Variants in HOOK2 observed in about 807,000 individuals in gnomAD.
HOOK2 encodes the protein protein Hook homolog 2.
HOOK2 carries 108 observed loss-of-function variants against 111.9 expected under a neutral mutation model. The ratio of observed to expected loss-of-function variants is 0.96; its 90% confidence interval spans 0.83 to 1.13. HOOK2 has a LOEUF of 1.13. HOOK2 is among the 50% of genes most tolerant of loss of function. The probability of loss-of-function intolerance (pLI) is 0.00; values close to 1 mark genes in which losing one functional copy is unlikely to be tolerated. For synonymous variants in HOOK2, 405 were observed against 394.3 expected (o/e 1.03, Z -0.32); for missense variants, 978 against 951.3 (o/e 1.03, Z -0.37).
At chr19:12,789,031 C>CT (rs1968681150) in intron 3 of HOOK2, among the ~76,000 whole-genome samples, 1 of 152,188 alleles carries the variant, frequency 6.6e-6, no homozygotes. Context: ...TTTTTCGCCT[C>CT]TTTCGTTTTC....
upstream of HOOK2, among the ~76,000 whole-genome samples, chr19:12,777,073 C>T (rs1968536663): frequency 6.6e-6 from 1 of 151,900 alleles, no homozygotes; most frequent in Admixed American, 6.6e-5. Context: ...AGGAGAATAG[C>T]TTGAACCCAA....
rs150435267 is a variant in HOOK2, at chr19:12,788,116, C to T, written n.42-13891G>A. 1.2e-3 allele frequency among the ~76,000 whole-genome samples: 179 copies of T among 152,284 alleles called. 1 individual carries two copies. Among genetic ancestry groups the T allele is most frequent in the African/African-American group, 4.3e-3 (177 of 41,544 alleles). ...AAAAAAGAGGCCCTTCATGAGACGGCCTGCAGCTGGTACTGCATACATGCT... is the reference window on the plus strand; with the variant it reads ...AAAAAAGAGGCCCTTCATGAGACGGTCTGCAGCTGGTACTGCATACATGCT... On this transcript the variant is annotated intron_variant and non_coding_transcript_variant, in intron 3 of 3. Transcript: ENST00000589765.
chr19:12,779,592 G>C (rs1968576546), upstream of HOOK2, among the ~76,000 whole-genome samples: 1 of 152,182 alleles, frequency 6.6e-6, no homozygotes. Flanking sequence ...CTGACTTCAA[G>C]TAATCCTCCT....
chr19:12,769,944 T>G lies in HOOK2; in HGVS notation c.1041A>C (p.Gln347His). 6.4e-7 allele frequency: 1 copy of G among 1,558,394 alleles called. No individual in the cohort carries two copies. The highest frequency in any genetic ancestry group is 8.6e-7 in the Non-Finnish European group (1 of 1,159,504). Residue 347 changes from glutamine to histidine, a missense_variant, in exon 11 of 23, where the codon CAA becomes CAC. Gln to His is a conservative substitution (Grantham distance 24). This residue lies in a region of HOOK2 where 388 missense variants were observed against 358.3 expected (regional missense o/e 1.08). Transcript: ENST00000397668. ...RNAGHAERTR[Q>H]LEDELRRAGS... ...CCGCTCGGCGTAGCTCATCCTCCAG[T>G]TGTCGCGTGCGCTCGGCGTGGCCGG...
chr19:12,788,136 C>G (rs2145800935), intron 3 of HOOK2, among the ~76,000 whole-genome samples: 1 of 152,318 alleles, frequency 6.6e-6, no homozygotes, highest in South Asian at 2.1e-4. Flanking sequence ...GTACTGCATA[C>G]ATGCTTCTCT....
At chr19:12,765,752 G>A (rs1167767629) in intron 17 of HOOK2, 28 bp from the exon 18 acceptor site, 3 of 1,614,070 alleles carry the variant, frequency 1.9e-6, no homozygotes, top group Non-Finnish European at 2.5e-6. Flanking sequence ...CAAGGTGAGT[G>A]GGGGATCCAG....
intron 3 of HOOK2, 187 bp from the exon 4 acceptor site, chr19:12,773,231 C>CTTTGTTTTT (rs1968389951): frequency 4.4e-6 from 1 of 226,718 alleles, no homozygotes. Flanking sequence ...ATCTTTGTTT[C>CTTTGTTTTT]TTTTTTTTTT....
upstream of HOOK2, among the ~76,000 whole-genome samples, chr19:12,778,913 A>G (rs1968568505): frequency 6.6e-6 from 1 of 152,008 alleles, no homozygotes; most frequent in Non-Finnish European, 1.5e-5. Context: ...GTCGGCGGGG[A>G]AGACAGCAGC....
At chr19:12,773,147 A>C (rs183986130) in intron 3 of HOOK2, 103 bp from the exon 4 acceptor site, 9 of 1,157,166 alleles carry the variant, frequency 7.8e-6, no homozygotes, top group Admixed American at 3.5e-5. Flanking sequence ...TGCTCATCTC[A>C]TCCTATTCTG....
In HOOK2 at chr19:12,791,993, G is replaced by T. The variant is rs774983836; in HGVS notation, n.42-17768C>A. ...GCAGCTACTTTTCTGGTCAGGGCTC[G>T]GACACCGGCGCGTCTCTCAAGCTCG... is the stretch of plus-strand genomic sequence containing the variant. On this transcript the variant is annotated intron_variant and non_coding_transcript_variant, in intron 3 of 3. Transcript: ENST00000589765. This position sits in a 1 kb window ranked among gnomAD's most constrained non-coding sequence, Gnocchi z 7.0. 3.7e-6 allele frequency: 6 copies of T among 1,611,480 alleles called. No individual in the cohort carries two copies. Among genetic ancestry groups the T allele is most frequent in the Non-Finnish European group, 5.1e-6 (6 of 1,179,388 alleles).
At chr19:12,778,721 G>A (rs1486921092), upstream of HOOK2, among the ~76,000 whole-genome samples, 1 of 152,198 alleles carries the variant, frequency 6.6e-6, no homozygotes, top group Non-Finnish European at 1.5e-5. Flanking sequence ...CAAATATTTA[G>A]GCAAATTGAC....
At chr19:12,765,148 G>T in intron 18 of HOOK2, 67 bp from the exon 19 acceptor site, 1 of 1,495,270 alleles carries the variant, frequency 6.7e-7, no homozygotes. Flanking sequence ...CCCAGTGGTA[G>T]CCACAGACCT....
intron 3 of HOOK2, among the ~76,000 whole-genome samples, chr19:12,789,193 CAA>C (rs958625019): frequency 1.8e-4 from 27 of 146,226 alleles, no homozygotes; most frequent in African/African-American, 2.8e-4. Flanking sequence ...GAGAGAGAGA[CAA>C]AGAGAGAGAG....
intron 5 of HOOK2, 25 bp downstream of exon 5, chr19:12,772,755 T>G (rs1568370954): frequency 1.2e-6 from 2 of 1,613,554 alleles, no homozygotes. Context: ...AGGCCAGCCC[T>G]GGGGACCCCC....
At chr19:12,780,801 AC>A (rs922212836), upstream of HOOK2, among the ~76,000 whole-genome samples, 2 of 124,370 alleles carry the variant, frequency 1.6e-5, no homozygotes, top group African/African-American at 6.2e-5. Flanking sequence ...ACACAGTGAA[AC>A]CCCGTCTCTA....
intron 11 of HOOK2, among the ~76,000 whole-genome samples, chr19:12,769,539 C>T (rs1968252066): frequency 6.6e-6 from 1 of 152,156 alleles, no homozygotes; most frequent in Non-Finnish European, 1.5e-5. Context: ...CCTCCCGGCT[C>T]AGCCTCCCAA....
At chr19:12,763,973 T>G (rs1000217245) in intron 20 of HOOK2, among the ~76,000 whole-genome samples, 195 bp from the exon 21 acceptor site, 1 of 152,192 alleles carries the variant, frequency 6.6e-6, no homozygotes, top group African/African-American at 2.4e-5. Flanking sequence ...GTTACAAGCA[T>G]GAGCCATTGT....
At chr19:12,785,872 TG>T (rs1184790256) in intron 3 of HOOK2, among the ~76,000 whole-genome samples, 1 of 152,140 alleles carries the variant, frequency 6.6e-6, no homozygotes, top group Admixed American at 6.5e-5. Flanking sequence ...TCTTTGCTTT[TG>T]CCACTTCCCC....
Position 12,790,313 on chromosome 19 carries a change from TC to T in HOOK2, n.42-16089del, listed in dbSNP as rs1968698698. Reference sequence around the variant, plus strand: ...GTGACGGAGACAGGGCCGGGCTCCTTCCCCCGGGGCTGTTGCCACACTTCCT... The same window carrying T: ...GTGACGGAGACAGGGCCGGGCTCCTTCCCCGGGGCTGTTGCCACACTTCCT... On this transcript the variant is annotated intron_variant and non_coding_transcript_variant, in intron 3 of 3. Coordinates refer to the HOOK2 transcript ENST00000589765. The surrounding 1 kb of genome is among the most constrained non-coding windows in gnomAD (Gnocchi z 7.2). 6.6e-6 allele frequency among the ~76,000 whole-genome samples: 1 copy of T among 152,086 alleles called. No individual in the cohort carries two copies. The highest frequency in any genetic ancestry group is 6.5e-5 in the Admixed American group (1 of 15,270).
Sources: allele counts gnomAD v4.1 joint callset (sites outside exome capture counted in the v4.1 genomes callset), GRCh38; gene constraint gnomAD v4.1.1; regional missense constraint gnomAD v4.1.1; non-coding constraint Gnocchi (gnomAD v3.1); transcripts MANE v1.5; gene names NCBI Gene and HGNC (gene_info 2026-07-23, HGNC 2026-07-21).